ATP6V1E2: variants seen among roughly 807,000 people sequenced by gnomAD.
The protein encoded by ATP6V1E2 is ATPase H+ transporting V1 subunit E2.
For synonymous variants in ATP6V1E2, 121 were observed against 104.2 expected (o/e 1.16, Z -0.98); for missense variants, 308 against 273.3 (o/e 1.13, Z -0.90).
intron 4 of ATP6V1E2, among the ~76,000 whole-genome samples, chr2:46,516,748 A>G (rs993004877): frequency 6.6e-5 from 10 of 152,140 alleles, no homozygotes; most frequent in Non-Finnish European, 1.3e-4. Context: ...ATTAAAAAAA[A>G]AAACTCTCAA....
chr2:46,512,916 T>A (rs1220017769), intron 4 of ATP6V1E2, 104 bp from the exon 5 acceptor site: 1 of 530,032 alleles, frequency 1.9e-6, no homozygotes, highest in African/African-American at 1.9e-5. Flanking sequence ...GAAATTGAGG[T>A]CCAGAGAAGG....
intron 1 of ATP6V1E2, chr2:46,541,663 AG>A (rs1385976108): frequency 6.6e-6 from 1 of 152,288 alleles, no homozygotes; most frequent in Non-Finnish European, 1.5e-5. Flanking sequence ...AATCGATGAA[AG>A]GAAGCGATTA....
Position 46,512,603 on chromosome 2 carries a change from C to G in ATP6V1E2, c.109G>C (p.Glu37Gln). 6.2e-7 allele frequency: 1 copy of G among 1,614,238 alleles called. No individual in the cohort carries two copies. Among genetic ancestry groups the G allele is most frequent in the Non-Finnish European group, 8.5e-7 (1 of 1,180,050 alleles). Residue 37 changes from glutamate (E) to glutamine (Q), a missense_variant, in exon 5 of 5, where the codon GAG (glutamate) becomes CAG (glutamine). Transcript: ENST00000522587. ...AGGCGTCCTTTCTCAATGTTAAACT[C>G]TTCCTCAGCCTTGGCATCGATTTCC... is the stretch of plus-strand genomic sequence containing the variant. ...AEEIDAKAEE[E>Q]FNIEKGRLVQ...
At chr2:46,528,829 T>C (rs1667050488) in intron 4 of ATP6V1E2, among the ~76,000 whole-genome samples, 1 of 152,250 alleles carries the variant, frequency 6.6e-6, no homozygotes, top group Admixed American at 6.5e-5. Context: ...GAAGGCCGAA[T>C]AGTGGAAGAA....
At chr2:46,514,947 A>G (rs533190352) in intron 4 of ATP6V1E2, among the ~76,000 whole-genome samples, 1 of 152,200 alleles carries the variant, frequency 6.6e-6, no homozygotes, top group South Asian at 2.1e-4. Context: ...TTCTCAGTAG[A>G]TATCTTGTAG....
At chr2:46,529,367 C>G (rs1172923797) in intron 4 of ATP6V1E2, among the ~76,000 whole-genome samples, 1 of 152,224 alleles carries the variant, frequency 6.6e-6, no homozygotes, top group Admixed American at 6.5e-5. Flanking sequence ...TGCCTAGGGG[C>G]TTCCTCAGTG....
intron 2 of ATP6V1E2, among the ~76,000 whole-genome samples, chr2:46,538,232 A>C (rs1453098408): frequency 6.6e-6 from 1 of 152,166 alleles, no homozygotes; most frequent in Non-Finnish European, 1.5e-5. Context: ...ATTTTCTATG[A>C]GTCTCAGAGT....
intron 2 of ATP6V1E2, among the ~76,000 whole-genome samples, chr2:46,540,895 C>T (rs1398137101): frequency 1.3e-5 from 2 of 152,168 alleles, no homozygotes; most frequent in Non-Finnish European, 2.9e-5. Flanking sequence ...ATTCATCGGA[C>T]ATCAGTTCCC....
intron 4 of ATP6V1E2, among the ~76,000 whole-genome samples, chr2:46,518,107 T>C (rs1341117135): frequency 6.6e-6 from 1 of 152,200 alleles, no homozygotes; most frequent in Non-Finnish European, 1.5e-5. Flanking sequence ...TCTACAAGCT[T>C]ACTGATGGAT....
chr2:46,534,105 G>A (rs181694595), intron 4 of ATP6V1E2, among the ~76,000 whole-genome samples: 145 of 152,202 alleles, frequency 9.5e-4, no homozygotes, highest in African/African-American at 3.3e-3. Flanking sequence ...GGCGCTATAC[G>A]TTTACAATTT....
At chr2:46,514,550 C>G (rs899349730) in intron 4 of ATP6V1E2, among the ~76,000 whole-genome samples, 3 of 151,984 alleles carry the variant, frequency 2.0e-5, no homozygotes, top group Non-Finnish European at 4.4e-5. Context: ...TAGAGGAGTT[C>G]AACAGGAAAA....
intron 4 of ATP6V1E2, among the ~76,000 whole-genome samples, chr2:46,515,786 A>G (rs1687686427): frequency 6.6e-6 from 1 of 152,224 alleles, no homozygotes; most frequent in Admixed American, 6.5e-5. Context: ...TCTACAAGAG[A>G]CTAATTTTAG....
At position 46,542,378 on chromosome 2, in the gene ATP6V1E2, T is replaced by G. The variant is rs1220484554; in HGVS notation, c.-535A>C. ...TGGTTCCCCGAGAGGCCTCCACGTC[T>G]TCTCCCAGCATCGGGGCCTTTGGAC... is the stretch of plus-strand genomic sequence containing the variant. On this transcript the variant is annotated 5_prime_UTR_variant, in exon 1 of 5. Transcript: ENST00000522587. 1.3e-5 allele frequency: 2 copies of G among 151,520 alleles called. No individual in the cohort carries two copies. Among genetic ancestry groups the G allele is most frequent in the Non-Finnish European group, 2.9e-5 (2 of 67,886 alleles). The allele number at this position is 151,520 out of a possible 1,614,324, so 9.4% of individuals were successfully genotyped here. A position where few individuals can be genotyped will look rare whatever the true frequency, so the allele number is the denominator to read the frequency against.
chr2:46,533,021 T>C (rs1667255331), intron 4 of ATP6V1E2, among the ~76,000 whole-genome samples: 1 of 151,610 alleles, frequency 6.6e-6, no homozygotes. Context: ...CCATGTAATA[T>C]ACTGCTATTA....
chr2:46,521,729 C>T (rs1339041054), intron 4 of ATP6V1E2, among the ~76,000 whole-genome samples: 1 of 152,082 alleles, frequency 6.6e-6, no homozygotes, highest in South Asian at 2.1e-4. Context: ...CTCACTCTGT[C>T]GCCCAGACTG....
intron 4 of ATP6V1E2, among the ~76,000 whole-genome samples, chr2:46,531,865 C>A (rs1667197419): frequency 6.6e-6 from 1 of 152,026 alleles, no homozygotes; most frequent in Non-Finnish European, 1.5e-5. Flanking sequence ...TCTTTTGCCC[C>A]TTTAAAAAAA....
chr2:46,537,462 T>C (rs1667504081), intron 2 of ATP6V1E2: 1 of 152,234 alleles, frequency 6.6e-6, no homozygotes, highest in African/African-American at 2.4e-5. Context: ...GAAGCTCTCT[T>C]TCCTTCTGGA....
chr2:46,537,034 C>T (rs1667478897), intron 2 of ATP6V1E2, among the ~76,000 whole-genome samples: 1 of 152,170 alleles, frequency 6.6e-6, no homozygotes, highest in African/African-American at 2.4e-5. Context: ...CCTCCCATCT[C>T]GGCCTCCCAA....
intron 4 of ATP6V1E2, among the ~76,000 whole-genome samples, chr2:46,520,482 C>T (rs1056141255): frequency 6.6e-6 from 1 of 152,246 alleles, no homozygotes; most frequent in African/African-American, 2.4e-5. Flanking sequence ...AAGCCAGACT[C>T]GGCTCTCGTG....
Sources: gnomAD v4.1 joint callset for allele counts (sites outside exome capture counted in the v4.1 genomes callset) on GRCh38, gnomAD v4.1.1 for gene constraint, MANE v1.5 for transcripts, NCBI Gene and HGNC (gene_info 2026-07-23, HGNC 2026-07-21) for gene names.